The following ME2 variants were observed in gnomAD, a reference collection of about 807,000 sequenced individuals.
ME2 encodes NAD-dependent malic enzyme, mitochondrial.
In ME2, 60 loss-of-function variants were observed where a neutral mutation model predicts 73.7. That is an observed-to-expected ratio of 0.81 (90% CI 0.66 to 1.01). The LOEUF (loss-of-function observed/expected upper bound fraction) is 1.01. ME2 is among the 50% of genes least tolerant of loss of function. The pLI, the probability that ME2 is intolerant of heterozygous loss-of-function variation, is 0.00. For missense variants in ME2, 594 were observed against 705.5 expected, an observed-to-expected ratio of 0.84 and a Z score of 1.79; for synonymous variants, 199 against 236.9, an observed-to-expected ratio of 0.84 and a Z score of 1.47.
intron 2 of ME2, among the ~76,000 whole-genome samples, chr18:50,900,237 TA>T (rs1037444065): frequency 6.5e-4 from 99 of 151,422 alleles, no homozygotes; most frequent in Non-Finnish European, 8.0e-4. Flanking sequence ...TAAATAAGAA[TA>T]GGGGGAGGAA....
chr18:50,940,925 G>A (rs1917934751), intron 15 of ME2, among the ~76,000 whole-genome samples: 1 of 151,970 alleles, frequency 6.6e-6, no homozygotes, highest in Non-Finnish European at 1.5e-5. Context: ...TCATTTCTCT[G>A]TTTTTGGACA....
At chr18:50,914,575 A>C (rs1917241795) in intron 4 of ME2, among the ~76,000 whole-genome samples, 1 of 152,164 alleles carries the variant, frequency 6.6e-6, no homozygotes, top group South Asian at 2.1e-4. Context: ...ATGGTCATTA[A>C]ATCTTGATTG....
At chr18:50,941,881 T>C (rs1917971420) in intron 15 of ME2, among the ~76,000 whole-genome samples, 1 of 151,972 alleles carries the variant, frequency 6.6e-6, no homozygotes, top group East Asian at 1.9e-4. Flanking sequence ...ATTTAATAGG[T>C]AAAATTGTTT....
chr18:50,906,454 A>G (rs903418887), intron 2 of ME2, among the ~76,000 whole-genome samples: 3 of 152,252 alleles, frequency 2.0e-5, no homozygotes, highest in Non-Finnish European at 4.4e-5. Context: ...CTGGGACCAC[A>G]GGCACATGCC....
At chr18:50,882,546 T>C (rs1229857148) in intron 1 of ME2, among the ~76,000 whole-genome samples, 1 of 152,228 alleles carries the variant, frequency 6.6e-6, no homozygotes, top group African/African-American at 2.4e-5. Flanking sequence ...GCTTCCAGAC[T>C]TTTGGACTTT....
intron 1 of ME2, among the ~76,000 whole-genome samples, chr18:50,887,502 G>A (rs1480070476): frequency 6.6e-6 from 1 of 152,186 alleles, no homozygotes; most frequent in African/African-American, 2.4e-5. Flanking sequence ...GGGAAGCTGA[G>A]AATGGGGAAA....
chr18:50,912,810 C>T lies in ME2; in HGVS notation c.252C>T (p.Tyr84=), dbSNP rs1917188328. 6.3e-7 allele frequency: 1 copy of T among 1,592,616 alleles called. No individual in the cohort carries two copies. The highest frequency in any genetic ancestry group is 1.7e-5 in the Admixed American group (1 of 57,520). ...KMTSPLEKYI[Y]IMGIQERNEK... is the part of the protein sequence containing the mutation. ...CTGTGCTTCATTTCAGATATATCTA[C>T]ATAATGGGAATACAAGAAAGAAATG... is the stretch of plus-strand genomic sequence containing the variant. The change falls in exon 4 of 16, where the codon TAC becomes TAT. Residue 84 remains tyrosine, a synonymous_variant. Transcript: ENST00000321341.
intron 13 of ME2, among the ~76,000 whole-genome samples, chr18:50,937,309 AT>A (rs747310380): frequency 3.9e-5 from 6 of 152,214 alleles, no homozygotes; most frequent in African/African-American, 1.4e-4. Flanking sequence ...CAGTTGGGAT[AT>A]TCTTTGAATA....
intron 15 of ME2, chr18:50,942,569 C>T (rs1389343064): frequency 1.8e-5 from 4 of 222,654 alleles, no homozygotes; most frequent in Admixed American, 5.7e-5. Flanking sequence ...TCTCTCTTTA[C>T]TTATTAAGAT....
intron 13 of ME2, among the ~76,000 whole-genome samples, chr18:50,937,587 GA>G (rs536234781): frequency 6.6e-6 from 1 of 151,776 alleles, no homozygotes; most frequent in Non-Finnish European, 1.5e-5. Context: ...ACATCTTGGG[GA>G]AAAAAACAAG....
chr18:50,918,760 A>T (rs777524035), intron 7 of ME2, among the ~76,000 whole-genome samples: 1 of 148,070 alleles, frequency 6.8e-6, no homozygotes, highest in Non-Finnish European at 1.5e-5. Context: ...AAATGTGGAT[A>T]ACTACCTAGT....
At chr18:50,946,170 A>T (rs1341792983) in intron 15 of ME2, among the ~76,000 whole-genome samples, 1 of 152,192 alleles carries the variant, frequency 6.6e-6, no homozygotes, top group Non-Finnish European at 1.5e-5. Flanking sequence ...TTACTGTGTG[A>T]GAGGTGCTGT....
At chr18:50,880,855 T>G (rs1916303463) in intron 1 of ME2, among the ~76,000 whole-genome samples, 1 of 152,260 alleles carries the variant, frequency 6.6e-6, no homozygotes, top group African/African-American at 2.4e-5. Flanking sequence ...AGAGGGTGTT[T>G]ATATGTTTTT....
intron 13 of ME2, 70 bp from the exon 14 acceptor site, chr18:50,939,500 G>A: frequency 9.4e-7 from 1 of 1,069,416 alleles, no homozygotes; most frequent in Non-Finnish European, 1.4e-6. Flanking sequence ...TTATTTGCCT[G>A]AATATAGGAA....
At chr18:50,905,986 A>T (rs1317153204) in intron 2 of ME2, among the ~76,000 whole-genome samples, 1 of 152,094 alleles carries the variant, frequency 6.6e-6, no homozygotes, top group Admixed American at 6.5e-5. Flanking sequence ...GAGACCTTAG[A>T]ATTTTATTTT....
intron 1 of ME2, among the ~76,000 whole-genome samples, chr18:50,882,092 A>G (rs1031969716): frequency 6.6e-6 from 1 of 152,156 alleles, no homozygotes; most frequent in Non-Finnish European, 1.5e-5. Context: ...TCAACCTCCC[A>G]TGCTCAAGCC....
chr18:50,918,194 A>G lies in ME2; in HGVS notation c.715A>G (p.Met239Val), dbSNP rs1205363496. Residue 239 changes from methionine to valine, a missense_variant, in exon 7 of 16, where the codon ATG (methionine) becomes GTG (valine). Physicochemically the swap from Met to Val is conservative, Grantham distance 21 (BLOSUM62 1). Transcript: ENST00000321341. ...QQYDDLIDEFMKAITDRYGRN... is the reference protein window; with the variant it reads ...QQYDDLIDEFVKAITDRYGRN... The stretch of plus-strand genomic sequence containing the variant: ...GTATGATGACCTGATTGATGAGTTT[A>G]TGAAAGCTATTACTGACAGGTATTT... The G allele has an allele frequency of 6.2e-7, 1 of 1,608,598 alleles. No homozygotes were observed. The highest frequency in any genetic ancestry group is 1.7e-5 in the Admixed American group (1 of 59,896).
intron 15 of ME2, among the ~76,000 whole-genome samples, chr18:50,946,415 C>T (rs1412870786): frequency 1.3e-5 from 2 of 152,180 alleles, no homozygotes; most frequent in African/African-American, 2.4e-5. Flanking sequence ...TACTTAAACT[C>T]CTCTCATTCC....
chr18:50,930,909 A>G (rs1917677448), intron 12 of ME2, among the ~76,000 whole-genome samples: 1 of 152,250 alleles, frequency 6.6e-6, no homozygotes, highest in African/African-American at 2.4e-5. Flanking sequence ...AAATGATATA[A>G]CAATATAGAG....
Sources: allele counts gnomAD v4.1 joint callset (sites outside exome capture counted in the v4.1 genomes callset), GRCh38; gene constraint gnomAD v4.1.1; transcripts MANE v1.5; gene names NCBI Gene and HGNC (gene_info 2026-07-23, HGNC 2026-07-21).